CEP63: variants seen among roughly 807,000 people sequenced by gnomAD.
CEP63 encodes the protein centrosomal protein of 63 kDa.
In CEP63, 84 loss-of-function variants were observed where a neutral mutation model predicts 89.1. The ratio of observed to expected loss-of-function variants is 0.94; its 90% confidence interval spans 0.79 to 1.13. The LOEUF (loss-of-function observed/expected upper bound fraction) is 1.13, where lower values mean the gene tolerates loss of function less well. Among genes scored for constraint, CEP63 ranks in the 50% most tolerant of loss-of-function variants. The pLI is 0.00. For missense variants in CEP63, 838 were observed against 813.3 expected (o/e 1.03, Z -0.37); for synonymous variants, 267 against 272.5 (o/e 0.98, Z 0.20).
At chr3:134,688,247 G>C in the CEP63 span, among the ~76,000 whole-genome samples, 1 of 152,162 alleles carries the variant, frequency 6.6e-6, no homozygotes, top group African/African-American at 2.4e-5. Context: ...GAGGAATGAA[G>C]TATGGATCAA....
the CEP63 span, among the ~76,000 whole-genome samples, chr3:134,765,539 T>A: frequency 6.6e-6 from 1 of 152,070 alleles, no homozygotes. Context: ...ATGCTAGATA[T>A]TGAGACAGAG....
rs117441996 is a variant in CEP63 at position 134,534,412 on chromosome 3, A to G, written c.441+1512A>G. ...TTCAATTATCAGACTACCAATCCCT[A>G]TCTTTTCAGCTAACTCTCTCTAGTC... On this transcript the variant is annotated intron_variant, in intron 5 of 14. Coordinates refer to ENST00000675561, the MANE Select transcript of CEP63 (RefSeq NM_001353108.3). 2.0e-3 allele frequency among the ~76,000 whole-genome samples: 306 copies of G among 152,224 alleles called. 4 individuals are homozygous for G. In the East Asian group the frequency reaches 0.046, roughly 23 times the overall value.
chr3:134,583,971 G>C (rs1453665285), intron 10 of CEP63, among the ~76,000 whole-genome samples: 1 of 151,938 alleles, frequency 6.6e-6, no homozygotes, highest in East Asian at 1.9e-4. Flanking sequence ...TCATGATTTG[G>C]CTCTCTGTCT....
downstream of CEP63, among the ~76,000 whole-genome samples, chr3:134,577,252 G>GA (rs11328639): frequency 3.6e-3 from 548 of 150,648 alleles, 8 homozygotes; most frequent in African/African-American, 0.013. Context: ...AAACTTCTAG[G>GA]AAAAAAAAAA....
chr3:134,632,072 C>A, the CEP63 span, among the ~76,000 whole-genome samples: 4 of 151,948 alleles, frequency 2.6e-5, no homozygotes, highest in Admixed American at 6.6e-5. Flanking sequence ...GACATAACAA[C>A]CTTCAATAGG....
chr3:134,504,046 G>A (rs966231059), intron 2 of CEP63, among the ~76,000 whole-genome samples: 1 of 151,118 alleles, frequency 6.6e-6, no homozygotes, highest in Non-Finnish European at 1.5e-5. Flanking sequence ...GCTTTCTGGT[G>A]GTCTTGTATA....
At chr3:134,491,777 G>A (rs1298975454) in intron 1 of CEP63, among the ~76,000 whole-genome samples, 2 of 152,148 alleles carry the variant, frequency 1.3e-5, no homozygotes, top group Non-Finnish European at 2.9e-5. Context: ...TAATGAAAAC[G>A]ACACCAAGGC....
At position 134,564,198 on chromosome 3, in the gene CEP63, C is replaced by T; in HGVS notation, c.*2663C>T. 2.1e-6 allele frequency: 2 copies of T among 960,738 alleles called. No homozygotes were observed. Among genetic ancestry groups the T allele is most frequent in the Non-Finnish European group, 2.5e-6 (2 of 807,396 alleles). 59.5% of individuals were successfully genotyped at this position (960,738 alleles called of 1,614,324 possible). A position where few individuals can be genotyped will look rare whatever the true frequency, so the allele number is the denominator to read the frequency against. ...GGTTCATGGTGGGATCCTCATCACC[C>T]AGCACAAGCCCAACACTTAGGAGAG... On this transcript the variant is annotated 3_prime_UTR_variant, in exon 15 of 15. Coordinates refer to ENST00000675561, the MANE Select transcript of CEP63 (RefSeq NM_001353108.3).
At chr3:134,775,440 C>A in the CEP63 span, among the ~76,000 whole-genome samples, 1 of 152,300 alleles carries the variant, frequency 6.6e-6, no homozygotes, top group South Asian at 2.1e-4. Context: ...CTGAGGCTTT[C>A]CCTGAAGTGG....
At chr3:134,524,057 A>C (rs1463881491) in intron 3 of CEP63, among the ~76,000 whole-genome samples, 1 of 151,978 alleles carries the variant, frequency 6.6e-6, no homozygotes, top group African/African-American at 2.4e-5. Context: ...TGTCATCTCT[A>C]ATTTCTTTGA....
the CEP63 span, among the ~76,000 whole-genome samples, chr3:134,717,662 T>C: frequency 6.6e-6 from 1 of 152,192 alleles, no homozygotes; most frequent in African/African-American, 2.4e-5. Flanking sequence ...TATGTCTGTT[T>C]CCACTTAGGG....
chr3:134,774,796 A>C, the CEP63 span, among the ~76,000 whole-genome samples: 1 of 152,154 alleles, frequency 6.6e-6, no homozygotes, highest in African/African-American at 2.4e-5. Flanking sequence ...AGAATTGAGA[A>C]TTCATATACC....
At chr3:134,610,217 T>C in the CEP63 span, 1 of 1,613,270 alleles carries the variant, frequency 6.2e-7, no homozygotes, top group Non-Finnish European at 8.5e-7. Flanking sequence ...TTGGAGGTGA[T>C]GGTGTCCACC....
At chr3:134,758,027 T>C in the CEP63 span, among the ~76,000 whole-genome samples, 1 of 152,196 alleles carries the variant, frequency 6.6e-6, no homozygotes, top group East Asian at 1.9e-4. Flanking sequence ...TTACCTCTCC[T>C]GAAAATCATC....
At chr3:134,651,435 C>T in the CEP63 span, 1 of 1,045,820 alleles carries the variant, frequency 9.6e-7, no homozygotes, top group Non-Finnish European at 1.2e-6. Flanking sequence ...TCGCACAGTG[C>T]TGTCAACATT....
the CEP63 span, among the ~76,000 whole-genome samples, chr3:134,726,475 C>T: frequency 2.7e-5 from 4 of 146,800 alleles, no homozygotes; most frequent in Non-Finnish European, 6.0e-5. Flanking sequence ...CACACACACA[C>T]ACACACACAC....
Position 134,505,991 on chromosome 3 carries a change from T to G in CEP63, c.45-1118T>G, listed in dbSNP as rs1393777920. 2.0e-5 allele frequency among the ~76,000 whole-genome samples: 3 copies of G among 152,202 alleles called. No homozygotes were observed. In the East Asian group the frequency reaches 5.8e-4, roughly 29 times the overall value. ...CACAGCATTTTGGGGGGACTTTTTT[T>G]GGGTTGTTTGCCTCATCACAGCAGT... On this transcript the variant is annotated intron_variant, in intron 2 of 14. Transcript: ENST00000675561.
chr3:134,685,897 C>T, the CEP63 span, among the ~76,000 whole-genome samples: 1 of 152,208 alleles, frequency 6.6e-6, no homozygotes, highest in Admixed American at 6.5e-5. Flanking sequence ...GCACCTCTCC[C>T]AGAATTTGTC....
intron 2 of CEP63, among the ~76,000 whole-genome samples, chr3:134,498,067 G>T (rs578002714): frequency 6.6e-6 from 1 of 152,110 alleles, no homozygotes; most frequent in African/African-American, 2.4e-5. Flanking sequence ...TTATGGTTCG[G>T]TGTGAATTTT....
Sources: allele counts gnomAD v4.1 joint callset (sites outside exome capture counted in the v4.1 genomes callset), GRCh38; gene constraint gnomAD v4.1.1; transcripts MANE v1.5; gene names NCBI Gene and HGNC (gene_info 2026-07-23, HGNC 2026-07-21).